DEAF1: variants seen among roughly 807,000 people sequenced by gnomAD.
DEAF1 encodes the protein DEAF1 transcription factor, also known as deformed epidermal autoregulatory factor 1 homolog.
In DEAF1, 53 loss-of-function variants were observed where a neutral mutation model predicts 58.9. The observed-to-expected ratio is 0.90, with a 90% CI of 0.72 to 1.13. DEAF1 has a LOEUF of 1.13. DEAF1 is among the 50% of genes most tolerant of loss of function. DEAF1 has a pLI of 0.00. For missense variants in DEAF1, 685 were observed against 791.4 expected (o/e 0.87, Z 1.61); for synonymous variants, 385 against 340.4 (o/e 1.13, Z -1.44).
At chr11:682,087 T>C (rs1860401766) in intron 6 of DEAF1, among the ~76,000 whole-genome samples, 1 of 152,258 alleles carries the variant, frequency 6.6e-6, no homozygotes. Flanking sequence ...CCTGTTCTCC[T>C]GGGGCGGCCT....
chr11:652,353 A>T (rs1273046612), intron 11 of DEAF1, among the ~76,000 whole-genome samples: 1 of 152,186 alleles, frequency 6.6e-6, no homozygotes, highest in Non-Finnish European at 1.5e-5. Flanking sequence ...AAGATGAAAC[A>T]CAGGCTGGGT....
At chr11:704,412 G>T (rs891854123) in intron 1 of DEAF1, 1 of 1,276,600 alleles carries the variant, frequency 7.8e-7, no homozygotes, top group Non-Finnish European at 1.0e-6. Context: ...GTCCTGGGCC[G>T]ACTTCCTTTG....
intron 10 of DEAF1, among the ~76,000 whole-genome samples, chr11:666,873 CAAAAAAAAAAA>C (rs532628897): frequency 4.8e-4 from 29 of 60,254 alleles, no homozygotes; most frequent in African/African-American, 1.8e-3. Context: ...ACTCTGTCTC[CAAAAAAAAAAA>C]AAAAAAAAAA....
Position 644,471 on chromosome 11 carries a change from G to A in DEAF1, c.*79C>T. 3 of 1,081,816 alleles carry A rather than the reference G, an allele frequency of 2.8e-6. No homozygotes were observed. Among genetic ancestry groups the A allele is most frequent in the East Asian group, 2.5e-5 (1 of 40,466 alleles). The allele number at this position is 1,081,816 out of a possible 1,614,324, so 67.0% of individuals were successfully genotyped here. A position where few individuals can be genotyped will look rare whatever the true frequency, so the allele number is the denominator to read the frequency against. On this transcript the variant is annotated 3_prime_UTR_variant, in exon 12 of 12. Coordinates refer to ENST00000382409, the MANE Select transcript of DEAF1 (RefSeq NM_021008.4). This position sits in a 1 kb window ranked among gnomAD's most constrained non-coding sequence, Gnocchi z 4.3. ...CCCCTCTTCTCAACGTCCCCCCAGA[G>A]TCCTCAGGGGGGCCTTCGACCTGCA...
chr11:648,196 C>CTTTTT (rs540249896), intron 11 of DEAF1, among the ~76,000 whole-genome samples: 4 of 123,392 alleles, frequency 3.2e-5, no homozygotes, highest in Admixed American at 9.1e-5. Context: ...TTATCACTGC[C>CTTTTT]TTTTTTTTTT....
chr11:687,809 T>C (rs1457375098), intron 4 of DEAF1, 102 bp downstream of exon 4: 1 of 1,513,602 alleles, frequency 6.6e-7, no homozygotes, highest in Non-Finnish European at 9.2e-7. Flanking sequence ...TCTTCTTAAC[T>C]AGTTCTAGGT....
At chr11:703,646 G>T in intron 1 of DEAF1, 1 of 1,232,984 alleles carries the variant, frequency 8.1e-7, no homozygotes, top group Non-Finnish European at 1.0e-6. Context: ...CGCAGGATGG[G>T]GTAGGCCTTG....
intron 1 of DEAF1, among the ~76,000 whole-genome samples, chr11:702,529 C>G (rs990075954): frequency 2.0e-5 from 3 of 152,246 alleles, no homozygotes; most frequent in African/African-American, 4.8e-5. Context: ...TTAATACATA[C>G]TCGTGAAATT....
At chr11:663,159 A>C (rs1049439640) in intron 10 of DEAF1, among the ~76,000 whole-genome samples, 1 of 152,198 alleles carries the variant, frequency 6.6e-6, no homozygotes, top group African/African-American at 2.4e-5. Flanking sequence ...AAAAAACACA[A>C]AACCTAGTTG....
intron 7 of DEAF1, among the ~76,000 whole-genome samples, chr11:680,682 C>T (rs528772165): frequency 6.6e-6 from 1 of 152,318 alleles, no homozygotes; most frequent in Admixed American, 6.5e-5. Context: ...GTCCCCTGAG[C>T]GTGTGCTGGG....
chr11:660,588 C>G (rs1859277414), intron 10 of DEAF1, among the ~76,000 whole-genome samples: 1 of 152,256 alleles, frequency 6.6e-6, no homozygotes. Context: ...GAAGAGTTCC[C>G]TGGGGACACG....
intron 1 of DEAF1, chr11:704,295 A>C: frequency 4.4e-6 from 3 of 687,998 alleles, no homozygotes; most frequent in South Asian, 1.8e-5. Context: ...AGGCTGCGGG[A>C]CTGTCCTGGG....
In DEAF1 at chr11:688,359, C is replaced by T. The variant is rs1429959970; in HGVS notation, c.489G>A (p.Leu163=). Reference sequence around the variant, plus strand: ...GGGTGAGGGGAGCTGCCGGGCCTTTCAGCCCGGTGGTCTCCACGATGCTCC... The same window carrying T: ...GGGTGAGGGGAGCTGCCGGGCCTTTTAGCCCGGTGGTCTCCACGATGCTCC... The part of the protein sequence containing the change: ...TDGSIVETTG[L]KGPAAPLTPG... The change falls in exon 3 of 12, where the codon CTG becomes CTA. Residue 163 remains leucine, a synonymous_variant. Transcript: ENST00000382409. This position sits in a 1 kb window ranked among gnomAD's most constrained non-coding sequence, Gnocchi z 4.3. The T allele has an allele frequency of 2.5e-6, 4 of 1,613,718 alleles. No individual in the cohort carries two copies. The South Asian group carries it at 4.4e-5, about 18-fold the overall frequency.
At chr11:671,089 C>T (rs1243055471) in intron 10 of DEAF1, among the ~76,000 whole-genome samples, 7 of 151,622 alleles carry the variant, frequency 4.6e-5, no homozygotes, top group Middle Eastern at 3.4e-3. Context: ...CCACCACGCC[C>T]GGCTAATTTT....
intron 5 of DEAF1, among the ~76,000 whole-genome samples, chr11:685,266 G>A (rs772501143): frequency 4.0e-5 from 6 of 151,760 alleles, no homozygotes; most frequent in Non-Finnish European, 5.9e-5. Context: ...TGTATTTTTA[G>A]TAGAGACAGG....
At chr11:665,373 T>C (rs1859480176) in intron 10 of DEAF1, among the ~76,000 whole-genome samples, 1 of 152,212 alleles carries the variant, frequency 6.6e-6, no homozygotes, top group African/African-American at 2.4e-5. Flanking sequence ...AAGTAATGGC[T>C]TTATGAATGA....
intron 10 of DEAF1, among the ~76,000 whole-genome samples, chr11:672,226 A>G (rs899732684): frequency 1.3e-5 from 2 of 152,058 alleles, no homozygotes; most frequent in Non-Finnish European, 2.9e-5. Flanking sequence ...AACCCCTAAC[A>G]TCGAATACGA....
At chr11:658,964 C>T (rs961334731) in intron 10 of DEAF1, among the ~76,000 whole-genome samples, 1 of 152,254 alleles carries the variant, frequency 6.6e-6, no homozygotes, top group African/African-American at 2.4e-5. Flanking sequence ...AACAAAGCCA[C>T]TCCTTCAGAA....
At chr11:673,595 G>A (rs1859926710) in intron 10 of DEAF1, among the ~76,000 whole-genome samples, 1 of 152,124 alleles carries the variant, frequency 6.6e-6, no homozygotes. Context: ...AGATTTGGTG[G>A]GAAAAATATG....
Sources: allele counts gnomAD v4.1 joint callset (sites outside exome capture counted in the v4.1 genomes callset), GRCh38; gene constraint gnomAD v4.1.1; non-coding constraint Gnocchi (gnomAD v3.1); transcripts MANE v1.5; gene names NCBI Gene and HGNC (gene_info 2026-07-23, HGNC 2026-07-21).